The following DLG2 variants were observed in gnomAD, a reference collection of about 807,000 sequenced individuals.
DLG2 encodes disks large homolog 2.
Under a neutral mutation model 132.5 loss-of-function variants are expected in DLG2, and 45 were observed. The ratio of observed to expected loss-of-function variants is 0.34; its 90% CI spans 0.27 to 0.44. DLG2 has a LOEUF of 0.44. Among genes scored for constraint, DLG2 ranks in the 20% least tolerant of loss-of-function variants. The pLI is 1.00. For missense variants in DLG2, 1,045 were observed against 1,196.9 expected (o/e 0.87, Z 1.87); for synonymous variants, 424 against 419.6 (o/e 1.01, Z -0.13).
chr11:84,909,125 C>T (rs1448199289), intron 6 of DLG2, among the ~76,000 whole-genome samples: 3 of 152,096 alleles, frequency 2.0e-5, no homozygotes, highest in African/African-American at 4.8e-5. Flanking sequence ...TGCATCGATG[C>T]ACCTTTTAAC....
chr11:85,172,983 AACCTATGAATGATTGGGG>A (rs1341534779), intron 4 of DLG2, among the ~76,000 whole-genome samples: 4 of 152,224 alleles, frequency 2.6e-5, no homozygotes, highest in South Asian at 2.1e-4. Context: ...AAAGTGACCA[AACCTATGAATGATTGGGG>A]TACCTGAAAG....
chr11:84,803,437 A>G (rs2075649974), intron 6 of DLG2, among the ~76,000 whole-genome samples: 1 of 152,192 alleles, frequency 6.6e-6, no homozygotes, highest in Non-Finnish European at 1.5e-5. Flanking sequence ...AATACTGTCA[A>G]TTATATGTTT....
chr11:84,378,871 G>A (rs967597053), intron 7 of DLG2, among the ~76,000 whole-genome samples: 2 of 151,896 alleles, frequency 1.3e-5, no homozygotes, highest in Non-Finnish European at 2.9e-5. Context: ...GTTTGAACCC[G>A]GGAGACGGAA....
rs765642884 is a variant in DLG2 at position 83,965,418 on chromosome 11, T to C, written c.1107A>G (p.Ile369Met). Reference protein sequence around the residue: ...EEVTHEEAVAILKNTSEVVYL... With the variant: ...EEVTHEEAVAMLKNTSEVVYL... ...AAACTACCTCTGATGTGTTCTTTAA[T>C]ATTGCTACTGCCTCTTCGTGTGTTA... Residue 369 changes from isoleucine (I) to methionine (M), a missense_variant, in exon 13 of 28, where the codon ATA (isoleucine) becomes ATG (methionine). Transcript: ENST00000376104. The C allele has an allele frequency of 6.8e-6, 11 of 1,611,716 alleles. No individual in the cohort carries two copies. Among genetic ancestry groups the C allele is most frequent in the South Asian group, 2.2e-5 (2 of 90,960 alleles).
intron 4 of DLG2, among the ~76,000 whole-genome samples, chr11:85,190,479 C>T (rs550062750): frequency 6.6e-6 from 1 of 151,598 alleles, no homozygotes; most frequent in Admixed American, 6.6e-5. Flanking sequence ...CAAATCAGCT[C>T]CAAAGCTAGC....
chr11:84,373,249 C>CAAAAAAAAAAAAACAAA (rs1555532573), intron 7 of DLG2, among the ~76,000 whole-genome samples: 5 of 41,666 alleles, frequency 1.2e-4, no homozygotes, highest in African/African-American at 6.6e-4. Flanking sequence ...AAGAAACAGT[C>CAAAAAAAAAAAAACAAA]AAAAAAAAAA....
chr11:85,609,319 C>T (rs1277664202), intron 2 of DLG2, among the ~76,000 whole-genome samples: 7 of 152,052 alleles, frequency 4.6e-5, no homozygotes, highest in Admixed American at 4.6e-4. Context: ...AGCCCTGGGC[C>T]CTGAACAAAA....
intron 6 of DLG2, among the ~76,000 whole-genome samples, chr11:84,718,510 C>T (rs1482701346): frequency 6.6e-6 from 1 of 152,084 alleles, no homozygotes; most frequent in East Asian, 1.9e-4. Context: ...ATAAAAGAAA[C>T]TTGTTTGTAA....
chr11:84,051,125 C>T (rs926159157), intron 11 of DLG2, among the ~76,000 whole-genome samples: 31 of 151,870 alleles, frequency 2.0e-4, no homozygotes, highest in African/African-American at 7.0e-4. Context: ...CAGGAAATAA[C>T]GGGTGCTGGA....
At chr11:84,861,319 T>C (rs549627254) in intron 6 of DLG2, among the ~76,000 whole-genome samples, 1 of 152,050 alleles carries the variant, frequency 6.6e-6, no homozygotes, top group South Asian at 2.1e-4. Context: ...AGCAGTAGGT[T>C]TATAGTTGCT....
At chr11:83,842,643 C>T (rs540625450) in intron 16 of DLG2, among the ~76,000 whole-genome samples, 58 of 151,450 alleles carry the variant, frequency 3.8e-4, no homozygotes, top group African/African-American at 1.3e-3. Flanking sequence ...GGTGAAAACC[C>T]GTCTCTACTA....
intron 6 of DLG2, among the ~76,000 whole-genome samples, chr11:84,879,185 T>C (rs930134619): frequency 5.3e-5 from 8 of 152,144 alleles, no homozygotes; most frequent in African/African-American, 1.9e-4. Flanking sequence ...ATCACTCTAA[T>C]GGCTGCAAGT....
chr11:84,811,873 T>C (rs1251255524), intron 6 of DLG2, among the ~76,000 whole-genome samples: 2 of 152,152 alleles, frequency 1.3e-5, no homozygotes, highest in African/African-American at 4.8e-5. Flanking sequence ...TTTAGAACAA[T>C]GTAGAATTGT....
At chr11:84,309,093 A>T (rs1302942549) in intron 7 of DLG2, among the ~76,000 whole-genome samples, 5 of 152,126 alleles carry the variant, frequency 3.3e-5, no homozygotes, top group Admixed American at 3.3e-4. Context: ...GCACGCTGTC[A>T]CCTCTCATTA....
chr11:84,703,711 CT>C (rs749289362), intron 6 of DLG2, among the ~76,000 whole-genome samples: 21 of 150,986 alleles, frequency 1.4e-4, no homozygotes, highest in Admixed American at 2.6e-4. Context: ...CTAGCCAAAT[CT>C]TCAATTTTGA....
At chr11:85,579,643 G>A (rs1243308955) in intron 3 of DLG2, among the ~76,000 whole-genome samples, 1 of 152,152 alleles carries the variant, frequency 6.6e-6, no homozygotes, top group Non-Finnish European at 1.5e-5. Flanking sequence ...ATATGGGGTA[G>A]CTTCAGGAGA....
At position 85,270,200 on chromosome 11, in the gene DLG2, T is replaced by C. The variant is rs540141865; in HGVS notation, c.186+15020A>G. 4.6e-5 allele frequency among the ~76,000 whole-genome samples: 7 copies of C among 152,294 alleles called. No individual in the cohort carries two copies. The South Asian group carries it at 1.2e-3, about 27-fold the overall frequency. ...GTGGCAGGGACCTAATGGGAGGTAA[T>C]TGAATTATGGGGGCAAGTCTTTCCC... On this transcript the variant is annotated intron_variant, in intron 4 of 27. Coordinates refer to ENST00000376104, the MANE Select transcript of DLG2 (RefSeq NM_001142699.3).
intron 6 of DLG2, among the ~76,000 whole-genome samples, chr11:84,714,595 T>TCTCTCTC (rs2060895785): frequency 1.9e-5 from 2 of 103,890 alleles, no homozygotes; most frequent in African/African-American, 8.1e-5. Flanking sequence ...CTCTTTCTCT[T>TCTCTCTC]TCTTTCTCTT....
Position 83,797,268 on chromosome 11 carries a change from G to T in DLG2, c.1723-10476C>A, listed in dbSNP as rs560800933. Among the ~76,000 whole-genome samples, 3 of 152,262 alleles carry T rather than the reference G, an allele frequency of 2.0e-5. 1 individual carries two copies. Among genetic ancestry groups the T allele is most frequent in the African/African-American group, 7.2e-5 (3 of 41,544 alleles). The stretch of plus-strand genomic sequence containing the variant: ...GAAGATGATGATGATGGTGATGATG[G>T]TAGCTGACATGTACATAACACTTAA... On this transcript the variant is annotated intron_variant, in intron 17 of 27. Coordinates refer to ENST00000376104, the MANE Select transcript of DLG2 (RefSeq NM_001142699.3).
Sources: gnomAD v4.1 joint callset for allele counts (sites outside exome capture counted in the v4.1 genomes callset) on GRCh38, gnomAD v4.1.1 for gene constraint, MANE v1.5 for transcripts, NCBI Gene and HGNC (gene_info 2026-07-23, HGNC 2026-07-21) for gene names.